The following CLUL1 variants were observed in gnomAD, a reference collection of about 807,000 sequenced individuals.
The protein encoded by CLUL1 is clusterin-like protein 1.
Under a neutral mutation model 49.4 loss-of-function variants are expected in CLUL1, and 43 were observed. The observed-to-expected ratio is 0.87, with a 90% CI of 0.68 to 1.12. CLUL1 has a LOEUF of 1.12. CLUL1 is among the 50% of genes most tolerant of loss of function. CLUL1 has a pLI of 0.00. For synonymous variants in CLUL1, 192 were observed against 184.9 expected (o/e 1.04, Z -0.31); for missense variants, 486 against 544.4 (o/e 0.89, Z 1.07).
At chr18:647,082 T>C (rs1478280570) in intron 9 of CLUL1, among the ~76,000 whole-genome samples, 1 of 152,064 alleles carries the variant, frequency 6.6e-6, no homozygotes, top group Non-Finnish European at 1.5e-5. Context: ...CATCAATTAA[T>C]TAAATATATA....
intron 8 of CLUL1, among the ~76,000 whole-genome samples, chr18:644,293 G>A (rs2074414064): frequency 6.6e-6 from 1 of 152,188 alleles, no homozygotes; most frequent in African/African-American, 2.4e-5. Flanking sequence ...ATCAAAGTCT[G>A]TGCATTTGAG....
Position 619,274 on chromosome 18 carries a change from T to G in CLUL1, c.168T>G (p.Ile56Met). 6.2e-7 allele frequency: 1 copy of G among 1,613,968 alleles called. No homozygotes were observed. Among genetic ancestry groups the G allele is most frequent in the South Asian group, 1.1e-5 (1 of 91,070 alleles). ...AGGTGAAGAAGGCTTTGACTGGTAT[T>G]AAGCAAATGAAAATCATGATGGAAA... ...DEEVKKALTG[I>M]KQMKIMMERK... Residue 56 changes from isoleucine to methionine, a missense_variant, in exon 4 of 10, where the codon ATT (isoleucine) becomes ATG (methionine). Ile to Met is a conservative substitution (Grantham distance 10, BLOSUM62 1). Coordinates refer to ENST00000692774, the MANE Select transcript of CLUL1 (RefSeq NM_001393344.1).
chr18:641,780 A>G (rs185490976), intron 8 of CLUL1, among the ~76,000 whole-genome samples: 1 of 152,352 alleles, frequency 6.6e-6, no homozygotes, highest in East Asian at 1.9e-4. Flanking sequence ...AGAAATGGCT[A>G]TTTCTGCTTA....
At chr18:629,239 C>G (rs3016816) in intron 6 of CLUL1, among the ~76,000 whole-genome samples, 72,305 of 151,926 alleles carry the variant, frequency 0.48, 17,428 homozygotes, top group South Asian at 0.54. Flanking sequence ...TTCTGAGGTT[C>G]CAAATTCATC....
At chr18:612,493 ATTG>A (rs1259115997) in intron 2 of CLUL1, among the ~76,000 whole-genome samples, 10 of 152,128 alleles carry the variant, frequency 6.6e-5, no homozygotes, top group Admixed American at 5.9e-4. Flanking sequence ...GTTTGGATCT[ATTG>A]TTGCCATCTT....
intron 1 of CLUL1, among the ~76,000 whole-genome samples, chr18:602,330 A>G (rs2072855668): frequency 6.6e-6 from 1 of 151,964 alleles, no homozygotes; most frequent in Non-Finnish European, 1.5e-5. Flanking sequence ...CTCCAGATCT[A>G]TTCTCTATTT....
intron 7 of CLUL1, among the ~76,000 whole-genome samples, chr18:635,426 A>G (rs2074108866): frequency 6.6e-6 from 1 of 152,180 alleles, no homozygotes; most frequent in South Asian, 2.1e-4. Context: ...CCTGCTGTAC[A>G]GCTCCGTTCC....
intron 7 of CLUL1, among the ~76,000 whole-genome samples, chr18:634,371 A>G (rs1054132556): frequency 6.6e-6 from 1 of 152,072 alleles, no homozygotes; most frequent in Admixed American, 6.6e-5. Flanking sequence ...TGACCTTGTG[A>G]TCCGCCCACC....
chr18:634,103 G>C (rs1177816015), intron 7 of CLUL1, among the ~76,000 whole-genome samples: 2 of 151,952 alleles, frequency 1.3e-5, no homozygotes, highest in African/African-American at 4.8e-5. Flanking sequence ...TTTCCATCTG[G>C]GGGCGTTCAA....
chr18:649,891 T>C lies in CLUL1; in HGVS notation c.1398-7T>C. The C allele has an allele frequency of 7.1e-7, 1 of 1,408,664 alleles. No homozygotes were observed. Among genetic ancestry groups the C allele is most frequent in the Non-Finnish European group, 1.0e-6 (1 of 1,003,060 alleles). 87.3% of individuals were successfully genotyped at this position (1,408,664 alleles called of 1,614,324 possible). A position where few individuals can be genotyped will look rare whatever the true frequency, so the allele number is the denominator to read the frequency against. ...TGATCATTGCTGCCTTTTTTTTTTT[T>C]TTTAAGGTAAGAAGATCTAATGCAT... On this transcript the variant is annotated splice_polypyrimidine_tract_variant and splice_region_variant and intron_variant, in intron 9 of 9. Coordinates refer to ENST00000692774, the MANE Select transcript of CLUL1 (RefSeq NM_001393344.1).
At chr18:603,515 G>A (rs756246553) in intron 1 of CLUL1, among the ~76,000 whole-genome samples, 13 of 152,138 alleles carry the variant, frequency 8.5e-5, no homozygotes, top group African/African-American at 2.7e-4. Flanking sequence ...AAAGAAATGC[G>A]TAGGGAAGAA....
At chr18:631,328 G>A (rs1488386154) in intron 6 of CLUL1, among the ~76,000 whole-genome samples, 2 of 151,904 alleles carry the variant, frequency 1.3e-5, no homozygotes, top group Non-Finnish European at 2.9e-5. Flanking sequence ...ATGAATCCCT[G>A]GAAGGAACAG....
intron 2 of CLUL1, among the ~76,000 whole-genome samples, chr18:613,520 T>C (rs1158860364): frequency 6.6e-6 from 1 of 150,982 alleles, no homozygotes; most frequent in Admixed American, 6.6e-5. Context: ...AGTGACGCTA[T>C]CTCAGCTCAC....
intron 8 of CLUL1, among the ~76,000 whole-genome samples, chr18:642,347 A>G (rs1366929353): frequency 3.3e-5 from 5 of 152,198 alleles, no homozygotes; most frequent in Middle Eastern, 3.4e-3. Flanking sequence ...CAGGAGAATC[A>G]CTTGAACCCG....
In CLUL1 at chr18:639,801, A is replaced by T. The variant is rs114193897; in HGVS notation, c.995-1526A>T. Among the ~76,000 whole-genome samples the T allele has an allele frequency of 8.0e-3, 1,217 of 152,162 alleles. 21 individuals are homozygous for T. The highest frequency in any genetic ancestry group is 0.028 in the African/African-American group (1,145 of 41,520). ...CAAAAAAAACAAAGAAAAGAAAAAG[A>T]AAAAAGAAATGGGCACATGTCAAAT... is the stretch of plus-strand genomic sequence containing the variant. On this transcript the variant is annotated intron_variant, in intron 7 of 9. Transcript: ENST00000692774.
intron 7 of CLUL1, among the ~76,000 whole-genome samples, chr18:636,550 TAG>T (rs890705469): frequency 1.3e-5 from 2 of 151,910 alleles, no homozygotes; most frequent in African/African-American, 2.4e-5. Flanking sequence ...ATGAGTTTAA[TAG>T]AGTCTATTAA....
intron 2 of CLUL1, among the ~76,000 whole-genome samples, chr18:608,216 C>T (rs1414008933): frequency 2.6e-5 from 4 of 152,162 alleles, no homozygotes; most frequent in Non-Finnish European, 4.4e-5. Flanking sequence ...CTGCTGGTTT[C>T]CTGGGTTCCC....
chr18:610,905 T>C (rs893566389), intron 2 of CLUL1, among the ~76,000 whole-genome samples: 2 of 152,000 alleles, frequency 1.3e-5, no homozygotes, highest in South Asian at 4.1e-4. Context: ...AAAAAAGAGA[T>C]GAATGCATAA....
At chr18:631,209 T>A (rs181389820) in intron 6 of CLUL1, among the ~76,000 whole-genome samples, 3 of 152,316 alleles carry the variant, frequency 2.0e-5, no homozygotes, top group Non-Finnish European at 1.5e-5. Flanking sequence ...AGGTTCATTT[T>A]GTTCTCATAT....
Sources: gnomAD v4.1 joint callset for allele counts (sites outside exome capture counted in the v4.1 genomes callset) on GRCh38, gnomAD v4.1.1 for gene constraint, MANE v1.5 for transcripts, NCBI Gene and HGNC (gene_info 2026-07-23, HGNC 2026-07-21) for gene names.